The following VRK2 variants were observed in gnomAD, a reference collection of about 807,000 sequenced individuals.
VRK2 encodes the protein VRK serine/threonine kinase 2.
Under a neutral mutation model 57.6 loss-of-function variants are expected in VRK2, and 60 were observed. That is an observed-to-expected ratio of 1.04 (90% CI 0.85 to 1.29). The LOEUF is 1.29. Ranked by LOEUF, VRK2 falls within the 50% of genes most tolerant of loss-of-function variation. The pLI, the probability that VRK2 is intolerant of heterozygous loss-of-function variation, is 0.00. For synonymous variants in VRK2, 231 were observed against 199.2 expected (o/e 1.16, Z -1.35); for missense variants, 705 against 588.1 (o/e 1.20, Z -2.06).
At chr2:58,074,982 G>A (rs1414610988) in intron 2 of VRK2, among the ~76,000 whole-genome samples, 5 of 151,894 alleles carry the variant, frequency 3.3e-5, no homozygotes, top group Non-Finnish European at 5.9e-5. Flanking sequence ...TTTGGTATAC[G>A]GATAATTTTG....
chr2:58,100,498 A>T (rs1673794740), intron 7 of VRK2, among the ~76,000 whole-genome samples: 1 of 151,852 alleles, frequency 6.6e-6, no homozygotes, highest in South Asian at 2.1e-4. Flanking sequence ...TATAGTATAG[A>T]TTAACATGCA....
intron 1 of VRK2, among the ~76,000 whole-genome samples, chr2:57,967,002 T>C (rs182642640): frequency 6.6e-4 from 101 of 152,298 alleles, no homozygotes; most frequent in Middle Eastern, 6.8e-3. Context: ...AGGAATTATT[T>C]AAGTGTCTAT....
intron 10 of VRK2, among the ~76,000 whole-genome samples, chr2:58,137,217 T>TGTATCATATATATGATAC (rs1297324634): frequency 1.7e-5 from 1 of 58,328 alleles, no homozygotes; most frequent in Non-Finnish European, 3.0e-5. Context: ...ATATGATACA[T>TGTATCATATATATGATAC]ATATATCATA....
intron 7 of VRK2, among the ~76,000 whole-genome samples, chr2:58,109,435 A>G (rs570994134): frequency 1.4e-5 from 2 of 140,688 alleles, no homozygotes; most frequent in Non-Finnish European, 3.1e-5. Flanking sequence ...TACTGCTATG[A>G]AAAAAAAAAA....
rs542597169 is a variant in VRK2 at position 57,910,020 on chromosome 2, C to A, written c.-439+2181C>A. On this transcript the variant is annotated intron_variant, in intron 1 of 15. Coordinates refer to the VRK2 transcript ENST00000417641. Reference sequence around the variant, plus strand: ...ATAGTCAATTTATAAAAAATAAAATCTTTTATTCCAGATTAAAATGGTAAA... The same window carrying A: ...ATAGTCAATTTATAAAAAATAAAATATTTTATTCCAGATTAAAATGGTAAA... Among the ~76,000 whole-genome samples the A allele has an allele frequency of 1.0e-3, 152 of 151,702 alleles. 1 individual carries two copies. The highest frequency in any genetic ancestry group is 2.6e-3 in the African/African-American group (109 of 41,326).
chr2:58,093,012 C>T (rs1256329215), intron 7 of VRK2, among the ~76,000 whole-genome samples: 8 of 151,986 alleles, frequency 5.3e-5, no homozygotes, highest in African/African-American at 1.9e-4. Flanking sequence ...TTTATGGCTG[C>T]ATAGTATTCC....
chr2:58,148,228 CAT>C (rs1387741799), intron 12 of VRK2, among the ~76,000 whole-genome samples: 15 of 151,960 alleles, frequency 9.9e-5, no homozygotes, highest in African/African-American at 2.6e-4. Context: ...GCCTTTCTAA[CAT>C]GTGTATTAGT....
chr2:58,070,248 G>A (rs1368195643), intron 2 of VRK2, among the ~76,000 whole-genome samples: 1 of 151,910 alleles, frequency 6.6e-6, no homozygotes, highest in Non-Finnish European at 1.5e-5. Context: ...TGGAGTCTTG[G>A]TGTGTTACCC....
chr2:57,928,951 G>A (rs1394510009), intron 1 of VRK2, among the ~76,000 whole-genome samples: 5 of 152,162 alleles, frequency 3.3e-5, no homozygotes, highest in Admixed American at 3.3e-4. Flanking sequence ...GCTGGGGGAG[G>A]GATGACACAG....
chr2:57,956,939 G>A (rs931946201), intron 1 of VRK2, among the ~76,000 whole-genome samples: 1 of 152,060 alleles, frequency 6.6e-6, no homozygotes, highest in African/African-American at 2.4e-5. Flanking sequence ...TCTTCAGCAC[G>A]TAGCTCTAAG....
At chr2:58,061,051 G>T (rs1677251085) in intron 2 of VRK2, among the ~76,000 whole-genome samples, 1 of 151,808 alleles carries the variant, frequency 6.6e-6, no homozygotes, top group Non-Finnish European at 1.5e-5. Flanking sequence ...ATTAAGAAAA[G>T]ATTTGATGAT....
chr2:57,916,447 G>C (rs1398012902), intron 1 of VRK2, among the ~76,000 whole-genome samples: 1 of 148,986 alleles, frequency 6.7e-6, no homozygotes, highest in African/African-American at 2.5e-5. Flanking sequence ...AAGAACCATA[G>C]TCAACTATGG....
At chr2:58,013,640 G>A (rs1315375932) in intron 1 of VRK2, among the ~76,000 whole-genome samples, 1 of 152,076 alleles carries the variant, frequency 6.6e-6, no homozygotes, top group Non-Finnish European at 1.5e-5. Flanking sequence ...GGGAGGCCGA[G>A]GCGGGCGGAT....
At chr2:57,972,240 T>TTTTG (rs70954873) in intron 1 of VRK2, among the ~76,000 whole-genome samples, 101,882 of 150,364 alleles carry the variant, frequency 0.68, 35,436 homozygotes, top group African/African-American at 0.84. Context: ...GAAACATGTT[T>TTTTG]TTTGTTTGTT....
At chr2:58,154,530 C>T (rs1379729201) in intron 12 of VRK2, among the ~76,000 whole-genome samples, 1 of 151,852 alleles carries the variant, frequency 6.6e-6, no homozygotes, top group Non-Finnish European at 1.5e-5. Flanking sequence ...TTTTCTAGTA[C>T]AAATATTTAG....
chr2:58,058,290 A>G, intron 2 of VRK2: 1 of 460,208 alleles, frequency 2.2e-6, no homozygotes, highest in South Asian at 1.6e-5. Flanking sequence ...TTGCCTTTTA[A>G]TAGGGATGCT....
intron 1 of VRK2, among the ~76,000 whole-genome samples, chr2:57,991,995 C>A (rs1031781409): frequency 6.6e-6 from 1 of 151,642 alleles, no homozygotes; most frequent in African/African-American, 2.4e-5. Context: ...AGACAAGGCC[C>A]AATGTCTTTA....
intron 1 of VRK2, among the ~76,000 whole-genome samples, chr2:58,006,456 T>C (rs1449807509): frequency 6.6e-6 from 1 of 152,208 alleles, no homozygotes; most frequent in African/African-American, 2.4e-5. Context: ...ATCCATTCAC[T>C]TATATTGGAA....
At chr2:58,106,429 T>C (rs936107080) in intron 7 of VRK2, among the ~76,000 whole-genome samples, 2 of 152,024 alleles carry the variant, frequency 1.3e-5, no homozygotes, top group African/African-American at 4.8e-5. Context: ...AATGCTATTA[T>C]CATTTATAAT....
Sources: gnomAD v4.1 joint callset for allele counts (sites outside exome capture counted in the v4.1 genomes callset) on GRCh38, gnomAD v4.1.1 for gene constraint, MANE v1.5 for transcripts, NCBI Gene and HGNC (gene_info 2026-07-23, HGNC 2026-07-21) for gene names.